The following SETMAR variants were observed in gnomAD, a reference collection of about 807,000 sequenced individuals.
The protein encoded by SETMAR is SET and mariner transposase domain methyltransferase.
A neutral mutation model predicts 58.4 loss-of-function variants in SETMAR; 44 were observed. That is an observed-to-expected ratio of 0.75 (90% confidence interval 0.59 to 0.97). The LOEUF (loss-of-function observed/expected upper bound fraction) is 0.97. Among genes scored for constraint, SETMAR ranks in the 50% least tolerant of loss-of-function variants. The probability of loss-of-function intolerance (pLI) is 0.00; values close to 1 mark genes in which losing one functional copy is unlikely to be tolerated. For synonymous variants in SETMAR, 332 were observed against 307.4 expected (o/e 1.08, Z -0.84); for missense variants, 903 against 840.2 (o/e 1.07, Z -0.92).
intron 1 of SETMAR, 34 bp downstream of exon 1, chr3:4,303,560 C>T (rs886880576): frequency 7.5e-7 from 1 of 1,338,420 alleles, no homozygotes; most frequent in Non-Finnish European, 9.5e-7. Context: ...GGGAGGCGGG[C>T]GCGCGGCTCC....
At chr3:4,315,565 A>C (rs948148286) in intron 2 of SETMAR, among the ~76,000 whole-genome samples, 1 of 152,142 alleles carries the variant, frequency 6.6e-6, no homozygotes, top group Non-Finnish European at 1.5e-5. Flanking sequence ...CCAGATTCCT[A>C]AGGTAAGAGT....
At chr3:4,304,857 C>T (rs1698121423) in intron 1 of SETMAR, among the ~76,000 whole-genome samples, 1 of 151,674 alleles carries the variant, frequency 6.6e-6, no homozygotes, top group Non-Finnish European at 1.5e-5. Context: ...AACATGTGTC[C>T]CAGGTGGTTA....
At chr3:4,315,243 C>G in intron 2 of SETMAR, among the ~76,000 whole-genome samples, 1 of 152,218 alleles carries the variant, frequency 6.6e-6, no homozygotes, top group East Asian at 1.9e-4. Context: ...GTATCCCTCA[C>G]TCCAAAATGT....
chr3:4,313,577 A>T lies in SETMAR; in HGVS notation c.836A>T (p.Asp279Val). ...GTCAGTGAAGACAAAGAAAGGCTAG[A>T]TCATGGGAAACTAAGGAAACCTTGT... ...LTVSEDKERL[D>V]HGKLRKPCYC... The change falls in exon 2 of 3, where the codon GAT becomes GTT. Residue 279 changes from aspartate to valine, a missense_variant. By Grantham distance (152) the Asp-to-Val change is radical (BLOSUM62 -3). Transcript: ENST00000358065. The T allele has an allele frequency of 6.2e-7, 1 of 1,614,104 alleles. No homozygotes were observed. Among genetic ancestry groups the T allele is most frequent in the Non-Finnish European group, 8.5e-7 (1 of 1,179,984 alleles).
chr3:4,304,280 T>G (rs186259995), intron 1 of SETMAR, among the ~76,000 whole-genome samples: 1,637 of 152,282 alleles, frequency 0.011, 12 homozygotes, highest in Non-Finnish European at 0.017. Flanking sequence ...TAGCTGGGAT[T>G]ACAGGCATGG....
chr3:4,311,949 A>G (rs202022451), intron 1 of SETMAR, among the ~76,000 whole-genome samples: 3 of 152,264 alleles, frequency 2.0e-5, no homozygotes, highest in East Asian at 3.8e-4. Context: ...GGATCTAACC[A>G]GAGATCAGGC....
chr3:4,316,604 T>C lies in SETMAR; in HGVS notation c.1413T>C (p.Arg471=). Residue 471 remains arginine, a synonymous_variant, in exon 3 of 3, where the codon CGT becomes CGC. Coordinates refer to ENST00000358065, the MANE Select transcript of SETMAR (RefSeq NM_006515.4). Reference sequence around the variant, plus strand: ...AGCTGACTGAAAATCAAAAAAATCGTCGTTTTGAAGTGTCATCTTCTCTTA... The same window carrying C: ...AGCTGACTGAAAATCAAAAAAATCGCCGTTTTGAAGTGTCATCTTCTCTTA... ...PHELTENQKN[R]RFEVSSSLIL... is the part of the protein sequence containing the mutation. The C allele has an allele frequency of 6.4e-7, 1 of 1,551,254 alleles. No individual in the cohort carries two copies. The highest frequency in any genetic ancestry group is 1.4e-5 in the African/African-American group (1 of 73,134).
intron 1 of SETMAR, among the ~76,000 whole-genome samples, chr3:4,312,360 CAAA>C (rs993196797): frequency 6.6e-6 from 1 of 151,926 alleles, no homozygotes; most frequent in African/African-American, 2.4e-5. Context: ...AAGAGGGAAA[CAAA>C]AGAAGTTACA....
rs1175149948 is a variant in SETMAR at position 4,316,980 on chromosome 3, C to T, written c.1789C>T (p.Pro597Ser). Residue 597 changes from proline (P) to serine (S), a missense_variant, in exon 3 of 3, where the codon CCC becomes TCC. By Grantham distance (74) the Pro-to-Ser change is moderately conservative. Coordinates refer to ENST00000358065, the MANE Select transcript of SETMAR (RefSeq NM_006515.4). ...HDNARPHVAQPTLQKLNELGY... is the reference protein window; with the variant it reads ...HDNARPHVAQSTLQKLNELGY... ...CAATGCCCGACCGCATGTTGCACAA[C>T]CCACACTTCAAAAGTTGAATGAATT... The T allele has an allele frequency of 6.5e-7, 1 of 1,549,296 alleles. No homozygotes were observed. Among genetic ancestry groups the T allele is most frequent in the East Asian group, 2.4e-5 (1 of 40,940 alleles).
chr3:4,317,251 A>G lies in SETMAR; in HGVS notation c.*5A>G. The G allele has an allele frequency of 6.6e-7, 1 of 1,522,110 alleles. No individual in the cohort carries two copies. The allele number at this position is 1,522,110 out of a possible 1,614,324, so 94.3% of individuals were successfully genotyped here. The stretch of plus-strand genomic sequence containing the variant: ...AATGGTTCCTATTTTGATTAATAAA[A>G]ATGCGTTGAGCCTAGTTATAATGAT... On this transcript the variant is annotated 3_prime_UTR_variant, in exon 3 of 3. Transcript: ENST00000358065.
Position 4,317,061 on chromosome 3 carries a change from T to G in SETMAR, c.1870T>G (p.Tyr624Asp). Reference sequence around the variant, plus strand: ...TTCACCTGACCTCTTGCCAACCAACTACCACGTCTTTAAGCATCTCAACAA... The same window carrying G: ...TTCACCTGACCTCTTGCCAACCAACGACCACGTCTTTAAGCATCTCAACAA... ...PYSPDLLPTN[Y>D]HVFKHLNNFL... The change falls in exon 3 of 3, where the codon TAC becomes GAC. Residue 624 changes from tyrosine to aspartate, a missense_variant. Physicochemically the swap from Tyr to Asp is radical, Grantham distance 160 (BLOSUM62 -3). Coordinates refer to ENST00000358065, the MANE Select transcript of SETMAR (RefSeq NM_006515.4). 1 of 1,549,318 alleles carries G rather than the reference T, an allele frequency of 6.5e-7. No individual in the cohort carries two copies. Among genetic ancestry groups the G allele is most frequent in the Non-Finnish European group, 8.7e-7 (1 of 1,146,684 alleles).
Position 4,313,312 on chromosome 3 carries a change from A to G in SETMAR, c.571A>G (p.Asn191Asp), listed in dbSNP as rs1345438100. Residue 191 changes from asparagine to aspartate, a missense_variant, in exon 2 of 3, where the codon AAT becomes GAT. By Grantham distance (23) the Asn-to-Asp change is conservative. Coordinates refer to ENST00000358065, the MANE Select transcript of SETMAR (RefSeq NM_006515.4). ...TCACTTACAAACAAAATCCGACTCC[A>G]ATTACATTATAGCCATCAGGGAACA... ...RIHLQTKSDS[N>D]YIIAIREHVY... is the part of the protein sequence containing the mutation. 6 of 1,614,060 alleles carry G rather than the reference A, an allele frequency of 3.7e-6. No homozygotes were observed. The highest frequency in any genetic ancestry group is 5.1e-6 in the Non-Finnish European group (6 of 1,179,970).
intron 1 of SETMAR, chr3:4,303,956 C>T: frequency 5.3e-6 from 5 of 948,024 alleles, no homozygotes; most frequent in Non-Finnish European, 6.9e-6. Context: ...CTGTGGTCTC[C>T]CTCACGCTGT....
chr3:4,316,046 CAAAAA>C (rs774059331), intron 2 of SETMAR, among the ~76,000 whole-genome samples, 161 bp from the exon 3 acceptor site: 1 of 76,882 alleles, frequency 1.3e-5, no homozygotes, highest in Non-Finnish European at 2.7e-5. Flanking sequence ...GACTCTGTCT[CAAAAA>C]AAAAAAAAAA....
chr3:4,313,929 C>A, intron 2 of SETMAR, 168 bp downstream of exon 2: 1 of 1,233,250 alleles, frequency 8.1e-7, no homozygotes, highest in Non-Finnish European at 1.1e-6. Flanking sequence ...CTCCATTTAA[C>A]AAAAGTACAT....
intron 2 of SETMAR, 81 bp downstream of exon 2, chr3:4,313,842 A>C: frequency 6.3e-7 from 1 of 1,585,026 alleles, no homozygotes; most frequent in South Asian, 1.1e-5. Context: ...CTGCCTAGTT[A>C]CATAAGTTTA....
At chr3:4,305,909 A>G (rs1559212828) in intron 1 of SETMAR, among the ~76,000 whole-genome samples, 1 of 152,214 alleles carries the variant, frequency 6.6e-6, no homozygotes, top group Non-Finnish European at 1.5e-5. Flanking sequence ...AGCTGGCCCA[A>G]TATTAAACAG....
At chr3:4,308,105 C>T (rs1698262691) in intron 1 of SETMAR, among the ~76,000 whole-genome samples, 2 of 152,148 alleles carry the variant, frequency 1.3e-5, no homozygotes, top group African/African-American at 4.8e-5. Context: ...ATATTGCAGA[C>T]AGTAAGGTAA....
intron 2 of SETMAR, 42 bp downstream of exon 2, chr3:4,313,803 T>C: frequency 6.2e-7 from 1 of 1,608,670 alleles, no homozygotes; most frequent in Non-Finnish European, 8.5e-7. Context: ...CTCCCTATAG[T>C]GGAAGACAGT....
Sources: allele counts gnomAD v4.1 joint callset (sites outside exome capture counted in the v4.1 genomes callset), GRCh38; gene constraint gnomAD v4.1.1; transcripts MANE v1.5; gene names NCBI Gene and HGNC (gene_info 2026-07-23, HGNC 2026-07-21).